OVCH1: variants seen among roughly 807,000 people sequenced by gnomAD.
OVCH1 encodes ovochymase-1.
Under a neutral mutation model 138.4 loss-of-function variants are expected in OVCH1, and 139 were observed. The ratio of observed to expected loss-of-function variants is 1.00; its 90% CI spans 0.87 to 1.16. The LOEUF is 1.16. Ranked by LOEUF, OVCH1 falls within the 50% of genes most tolerant of loss-of-function variation. The pLI, the probability that OVCH1 is intolerant of heterozygous loss-of-function variation, is 0.00. For missense variants in OVCH1, 1,367 were observed against 1,357.9 expected (o/e 1.01, Z -0.11); for synonymous variants, 453 against 467.8 (o/e 0.97, Z 0.41).
At chr12:29,472,811 C>G (rs1942558562) in intron 15 of OVCH1, among the ~76,000 whole-genome samples, 2 of 152,148 alleles carry the variant, frequency 1.3e-5, no homozygotes, top group South Asian at 4.1e-4. Context: ...GCTTTATACC[C>G]TTTTCTTCCT....
In OVCH1 at chr12:29,443,787, C is replaced by T. The variant is rs185224405; in HGVS notation, c.3018-287G>A. Among the ~76,000 whole-genome samples, 435 of 152,022 alleles carry T rather than the reference C, an allele frequency of 2.9e-3. 4 individuals are homozygous for T. Among genetic ancestry groups the T allele is most frequent in the African/African-American group, 9.8e-3 (408 of 41,498 alleles). On this transcript the variant is annotated intron_variant, in intron 24 of 27. Transcript: ENST00000318184. ...TTGAAAATTTATAAGATCTGAAGGA[C>T]CTATATGTGCCAGAATTTGCCCCAA... is the stretch of plus-strand genomic sequence containing the variant.
At chr12:29,428,169 C>A (rs1389533330) in intron 27 of OVCH1, among the ~76,000 whole-genome samples, 2 of 152,140 alleles carry the variant, frequency 1.3e-5, no homozygotes, top group Non-Finnish European at 2.9e-5. Context: ...CAAAATACCA[C>A]TCTCCTCCCT....
chr12:29,450,062 C>A (rs984132096), intron 22 of OVCH1, among the ~76,000 whole-genome samples: 3 of 152,104 alleles, frequency 2.0e-5, no homozygotes, highest in Non-Finnish European at 2.9e-5. Flanking sequence ...ACCCTAAAAA[C>A]CCTAGAAGAA....
intron 8 of OVCH1, among the ~76,000 whole-genome samples, 108 bp downstream of exon 9, chr12:29,484,605 C>T (rs369123434): frequency 3.9e-5 from 6 of 151,976 alleles, no homozygotes; most frequent in East Asian, 1.9e-4. Context: ...GCCTGGGCAA[C>T]GTAGGGAGAC....
downstream of OVCH1, among the ~76,000 whole-genome samples, chr12:29,408,022 C>T (rs1317164272): frequency 3.6e-5 from 5 of 140,600 alleles, no homozygotes; most frequent in African/African-American, 9.8e-5. Flanking sequence ...AGGTCCTTCA[C>T]ATCCCTTGTA....
intron 22 of OVCH1, among the ~76,000 whole-genome samples, chr12:29,446,209 A>T (rs1941610566): frequency 6.6e-6 from 1 of 152,112 alleles, no homozygotes; most frequent in Admixed American, 6.6e-5. Context: ...CCTCAGAACC[A>T]AGATGACTCA....
chr12:29,465,310 A>G, intron 16 of OVCH1, 91 bp from the exon 17 acceptor site: 1 of 1,071,968 alleles, frequency 9.3e-7, no homozygotes, highest in Non-Finnish European at 1.3e-6. Context: ...GAGACTATAA[A>G]GTCTTTCTGA....
intron 19 of OVCH1, 29 bp from the exon 20 acceptor site, chr12:29,455,434 A>T: frequency 6.3e-7 from 1 of 1,576,352 alleles, no homozygotes; most frequent in Non-Finnish European, 8.6e-7. Flanking sequence ...ATGTTTTAGA[A>T]AACTGCTTTA....
intron 14 of OVCH1, among the ~76,000 whole-genome samples, chr12:29,473,441 T>C (rs7309876): frequency 0.16 from 24,065 of 152,100 alleles, 2,022 homozygotes; most frequent in African/African-American, 0.22. Flanking sequence ...TTCATTACTC[T>C]ATTTTTATTC....
chr12:29,455,937 C>G lies in OVCH1; in HGVS notation c.2281-532G>C, dbSNP rs115718792. On this transcript the variant is annotated intron_variant, in intron 19 of 27. Transcript: ENST00000318184. ...CACTCTTGACACAATCTAATCAGAT[C>G]AAAGAGTAGAGTTATGACATACACA... Among the ~76,000 whole-genome samples, 890 of 152,084 alleles carry G rather than the reference C, an allele frequency of 5.9e-3. 6 individuals are homozygous for G. Among genetic ancestry groups the G allele is most frequent in the African/African-American group, 0.02 (843 of 41,482 alleles).
intron 27 of OVCH1, among the ~76,000 whole-genome samples, chr12:29,432,083 G>C (rs1350500365): frequency 6.6e-6 from 1 of 152,218 alleles, no homozygotes; most frequent in Non-Finnish European, 1.5e-5. Context: ...CTGAGGAACA[G>C]CAGCAAGGTT....
rs981549117 is a variant in OVCH1, at chr12:29,442,244, C to T, written c.3157+1117G>A. Among the ~76,000 whole-genome samples the T allele has an allele frequency of 6.6e-5, 10 of 151,860 alleles. 1 individual carries two copies. The highest frequency in any genetic ancestry group is 2.1e-4 in the South Asian group (1 of 4,792). ...AGCCAAATGTCCAACAATGATAGAC[C>T]GGATCAAGAAAATGTGGCACATATA... On this transcript the variant is annotated intron_variant, in intron 25 of 27. Coordinates refer to ENST00000318184, the Ensembl canonical transcript of OVCH1.
chr12:29,491,981 T>G (rs537195253), intron 4 of OVCH1, among the ~76,000 whole-genome samples: 1 of 152,256 alleles, frequency 6.6e-6, no homozygotes, highest in East Asian at 1.9e-4. Context: ...ACCTCATGAG[T>G]GTATATATTT....
intron 23 of OVCH1, 89 bp downstream of exon 23, chr12:29,445,189 C>T: frequency 4.5e-6 from 6 of 1,338,622 alleles, no homozygotes; most frequent in Non-Finnish European, 6.1e-6. Context: ...TAATTTCTTT[C>T]AAAATGTTGT....
chr12:29,420,919 A>G (rs1033348358), intron 3 of OVCH1, among the ~76,000 whole-genome samples: 5 of 152,278 alleles, frequency 3.3e-5, no homozygotes, highest in African/African-American at 4.8e-5. Flanking sequence ...GGTGAAGACT[A>G]TATCAGCGGG....
chr12:29,452,917 T>A (rs1941837807), intron 21 of OVCH1, among the ~76,000 whole-genome samples: 1 of 152,194 alleles, frequency 6.6e-6, no homozygotes, highest in Non-Finnish European at 1.5e-5. Flanking sequence ...TATAAAACTT[T>A]CAAAGTTTTT....
intron 19 of OVCH1, among the ~76,000 whole-genome samples, chr12:29,458,138 AATC>A (rs1440723626): frequency 2.6e-5 from 4 of 152,340 alleles, no homozygotes; most frequent in Admixed American, 1.3e-4. Context: ...ATAGAAAAAT[AATC>A]ATAAAATGTA....
At chr12:29,462,093 C>A in intron 18 of OVCH1, 85 bp from the exon 19 acceptor site, 6 of 1,407,400 alleles carry the variant, frequency 4.3e-6, no homozygotes, top group African/African-American at 1.4e-5. Flanking sequence ...AGATGTAGCT[C>A]TGTACCAACA....
At chr12:29,425,849 A>AAAG (rs150547396), downstream of OVCH1, 32,766 of 151,978 alleles carry the variant, frequency 0.22, 4,647 homozygotes, top group African/African-American at 0.41. Context: ...GTATATTTAA[A>AAAG]AAGAATTATG....
Sources: allele counts gnomAD v4.1 joint callset (sites outside exome capture counted in the v4.1 genomes callset), GRCh38; gene constraint gnomAD v4.1.1; transcripts MANE v1.5; gene names NCBI Gene and HGNC (gene_info 2026-07-23, HGNC 2026-07-21).